The following NLRP1 variants were observed in gnomAD, a reference collection of about 807,000 sequenced individuals.
NLRP1 encodes the protein NACHT, LRR and PYD domains-containing protein 1.
A neutral mutation model predicts 136.7 loss-of-function variants in NLRP1; 94 were observed. The ratio of observed to expected loss-of-function variants is 0.69; its 90% CI spans 0.58 to 0.82. NLRP1 has a LOEUF of 0.82. Among genes scored for constraint, NLRP1 ranks in the 40% least tolerant of loss-of-function variants. The pLI, the probability that NLRP1 is intolerant of heterozygous loss-of-function variation, is 0.00. For missense variants in NLRP1, 1,575 were observed against 1,802.7 expected (o/e 0.87, Z 2.29); for synonymous variants, 690 against 725.1 (o/e 0.95, Z 0.78).
intron 11 of NLRP1, among the ~76,000 whole-genome samples, chr17:5,532,370 G>A (rs549994874): frequency 1.3e-5 from 2 of 152,194 alleles, no homozygotes; most frequent in Non-Finnish European, 2.9e-5. Flanking sequence ...TGCCAGCTTT[G>A]TCAGATGTGA....
chr17:5,517,943 C>T (rs1161160902), intron 14 of NLRP1, 56 bp from the exon 15 acceptor site: 2 of 1,581,230 alleles, frequency 1.3e-6, no homozygotes, highest in Middle Eastern at 1.7e-4. Flanking sequence ...GAAGGTCTTT[C>T]CCCACCTGAC....
chr17:5,509,361 G>A (rs951535414), downstream of NLRP1, among the ~76,000 whole-genome samples: 2 of 152,160 alleles, frequency 1.3e-5, no homozygotes, highest in Non-Finnish European at 2.9e-5. Context: ...CTTGCTCCAG[G>A]ACTGGGGCCT....
At chr17:5,569,664 T>C (rs1172339884) in intron 3 of NLRP1, among the ~76,000 whole-genome samples, 1 of 152,022 alleles carries the variant, frequency 6.6e-6, no homozygotes, top group Non-Finnish European at 1.5e-5. Context: ...GATAACCATA[T>C]AGTAATAATG....
intron 5 of NLRP1, among the ~76,000 whole-genome samples, chr17:5,545,952 C>T (rs1260266318): frequency 6.6e-6 from 1 of 152,182 alleles, no homozygotes; most frequent in Non-Finnish European, 1.5e-5. Context: ...TTTTAAACAA[C>T]TTACCATTAC....
chr17:5,543,659 TAA>T (rs35022826), intron 5 of NLRP1, among the ~76,000 whole-genome samples: 4 of 120,740 alleles, frequency 3.3e-5, no homozygotes, highest in African/African-American at 9.5e-5. Flanking sequence ...CCATCTCAAA[TAA>T]AAAAAAAAAA....
intron 9 of NLRP1, among the ~76,000 whole-genome samples, 163 bp downstream of exon 9, chr17:5,533,734 C>G (rs892079080): frequency 4.0e-5 from 6 of 151,808 alleles, no homozygotes; most frequent in Non-Finnish European, 8.8e-5. Context: ...GGAAATCCAG[C>G]CAGTTCCTAG....
intron 12 of NLRP1, among the ~76,000 whole-genome samples, chr17:5,527,692 T>C (rs1204062223): frequency 6.6e-6 from 1 of 152,228 alleles, no homozygotes; most frequent in Non-Finnish European, 1.5e-5. Context: ...TGCTCAGTTA[T>C]TGTTCACAGT....
chr17:5,506,737 C>A (rs868229161), intron 15 of NLRP1, among the ~76,000 whole-genome samples: 81 of 131,472 alleles, frequency 6.2e-4, no homozygotes, highest in Admixed American at 4.7e-4. Context: ...ACTAAAAATA[C>A]AAAAAAAAAA....
downstream of NLRP1, among the ~76,000 whole-genome samples, chr17:5,509,905 C>A (rs760170024): frequency 6.6e-6 from 1 of 152,162 alleles, no homozygotes; most frequent in African/African-American, 2.4e-5. Context: ...TTAGTCTGAA[C>A]ACAGTGATCC....
exon 16 of NLRP1, chr17:5,501,715 T>C: frequency 1.1e-6 from 1 of 905,894 alleles, no homozygotes; most frequent in Non-Finnish European, 1.8e-6. Context: ...CTGCCTCACC[T>C]AAGCCCATTT....
chr17:5,545,033 T>C (rs34402543), intron 5 of NLRP1, among the ~76,000 whole-genome samples: 7,037 of 152,152 alleles, frequency 0.046, 194 homozygotes, highest in Middle Eastern at 0.082. Context: ...CTCTCCATCC[T>C]CTCCAAAAAT....
chr17:5,560,686 T>C (rs2151804446), intron 3 of NLRP1, among the ~76,000 whole-genome samples: 1 of 152,246 alleles, frequency 6.6e-6, no homozygotes, highest in South Asian at 2.1e-4. Context: ...GTTCTCACCG[T>C]CTCCCAGACA....
At chr17:5,525,979 AT>A (rs10643993) in intron 12 of NLRP1, among the ~76,000 whole-genome samples, 20 of 147,796 alleles carry the variant, frequency 1.4e-4, no homozygotes, top group Admixed American at 2.0e-4. Context: ...AAGCTACTAA[AT>A]TTTTTTTTTT....
At chr17:5,548,598 A>T (rs1227709690) in intron 5 of NLRP1, among the ~76,000 whole-genome samples, 1 of 152,164 alleles carries the variant, frequency 6.6e-6, no homozygotes, top group Non-Finnish European at 1.5e-5. Flanking sequence ...TGAAGAAAGT[A>T]TATTTGTGGT....
intron 4 of NLRP1, among the ~76,000 whole-genome samples, chr17:5,554,235 T>G (rs1376006240): frequency 1.3e-5 from 2 of 152,038 alleles, no homozygotes; most frequent in Admixed American, 1.3e-4. Context: ...GGAGAGAATA[T>G]TTGCAGCCTG....
At position 5,558,580 on chromosome 17, in the gene NLRP1, A is replaced by G. The variant is rs201795199; in HGVS notation, c.2116T>C (p.Ser706Pro). 3 of 1,613,838 alleles carry G rather than the reference A, an allele frequency of 1.9e-6. No homozygotes were observed. Among genetic ancestry groups the G allele is most frequent in the Non-Finnish European group, 2.5e-6 (3 of 1,179,976 alleles). The change falls in exon 4 of 17, where the codon TCC becomes CCC. Residue 706 changes from serine to proline, a missense_variant. Transcript: ENST00000572272. Reference sequence around the variant, plus strand: ...TGTGGCTGCAGCAGCAGCTGCAGGGACGGGACCCACTGCATCAGGTTCCTC... The same window carrying G: ...TGTGGCTGCAGCAGCAGCTGCAGGGGCGGGACCCACTGCATCAGGTTCCTC... ...QGRNLMQWVPSLQLLLQPHSL... is the reference protein window; with the variant it reads ...QGRNLMQWVPPLQLLLQPHSL...
chr17:5,526,675 G>A (rs1455626929), intron 12 of NLRP1, among the ~76,000 whole-genome samples: 1 of 152,224 alleles, frequency 6.6e-6, no homozygotes, highest in East Asian at 1.9e-4. Context: ...TGTGGCCTGT[G>A]CAGTCACACA....
chr17:5,567,414 GATAAACAA>G (rs1915455493), intron 3 of NLRP1, among the ~76,000 whole-genome samples: 1 of 151,434 alleles, frequency 6.6e-6, no homozygotes, highest in African/African-American at 2.4e-5. Flanking sequence ...ACACTATTTG[GATAAACAA>G]ATAAACAAAC....
downstream of NLRP1, among the ~76,000 whole-genome samples, chr17:5,510,391 G>A (rs1042279505): frequency 2.0e-5 from 3 of 151,528 alleles, no homozygotes; most frequent in East Asian, 3.9e-4. Flanking sequence ...ATAGAGGCTC[G>A]CTCTGTTGCC....
Sources: allele counts gnomAD v4.1 joint callset (sites outside exome capture counted in the v4.1 genomes callset), GRCh38; gene constraint gnomAD v4.1.1; transcripts MANE v1.5; gene names NCBI Gene and HGNC (gene_info 2026-07-23, HGNC 2026-07-21).